The following ZBTB20 variants were observed in gnomAD, a reference collection of about 807,000 sequenced individuals.
The protein encoded by ZBTB20 is zinc finger and BTB domain-containing protein 20.
ZBTB20 carries 9 observed loss-of-function variants against 56.9 expected under a neutral mutation model. That is an observed-to-expected ratio of 0.16 (90% confidence interval 0.10 to 0.28). ZBTB20 has a LOEUF of 0.28. ZBTB20 is among the 10% of genes least tolerant of loss of function. The pLI, the probability that ZBTB20 is intolerant of heterozygous loss-of-function variation, is 1.00. For missense variants in ZBTB20, 655 were observed against 1,003.0 expected (o/e 0.65, Z 4.69); for synonymous variants, 417 against 420.7 (o/e 0.99, Z 0.11).
intron 5 of ZBTB20, among the ~76,000 whole-genome samples, chr3:114,728,033 G>A (rs750067231): frequency 1.3e-5 from 2 of 152,054 alleles, no homozygotes; most frequent in Non-Finnish European, 2.9e-5. Context: ...AAATACCACA[G>A]AAAAATAGAC....
At chr3:114,731,194 T>G (rs552095176) in intron 5 of ZBTB20, among the ~76,000 whole-genome samples, 13 of 152,302 alleles carry the variant, frequency 8.5e-5, no homozygotes, top group Non-Finnish European at 1.8e-4. Context: ...AATTTCCTGT[T>G]AATCCCGGTT....
At chr3:115,146,891 C>T (rs2085001695) in intron 1 of ZBTB20, among the ~76,000 whole-genome samples, 1 of 151,832 alleles carries the variant, frequency 6.6e-6, no homozygotes, top group South Asian at 2.1e-4. Context: ...CCCGCCCGCC[C>T]CGCCACCCTT....
At position 114,516,004 on chromosome 3, in the gene ZBTB20, ATTT is replaced by A. The variant is rs34260800; in HGVS notation, c.-294-15616_-294-15614del. Among the ~76,000 whole-genome samples, 780 of 141,228 alleles carry A rather than the reference ATTT, an allele frequency of 5.5e-3. 6 individuals are homozygous for A. Among genetic ancestry groups the A allele is most frequent in the African/African-American group, 0.018 (692 of 38,542 alleles). 92.7% of individuals were successfully genotyped at this position (141,228 alleles called of 152,430 possible). On this transcript the variant is annotated intron_variant, in intron 6 of 11. Transcript: ENST00000675478. ...CTCTAGCTGTGTTTCTAATTAAACAATTTTTTTTTTTTTTTTTGCCAAAGTCAC... is the reference window on the plus strand; with the variant it reads ...CTCTAGCTGTGTTTCTAATTAAACAATTTTTTTTTTTTTTGCCAAAGTCAC...
chr3:114,907,656 G>A (rs1304534408), intron 3 of ZBTB20, among the ~76,000 whole-genome samples: 3 of 151,792 alleles, frequency 2.0e-5, no homozygotes, highest in African/African-American at 7.3e-5. Context: ...CTAGAATCTG[G>A]TTTATTTTCT....
chr3:114,460,033 AT>A (rs1425932460), intron 7 of ZBTB20, among the ~76,000 whole-genome samples: 3 of 151,954 alleles, frequency 2.0e-5, no homozygotes, highest in African/African-American at 4.8e-5. Context: ...TGGCAGAGAT[AT>A]TTTATCTGAC....
intron 5 of ZBTB20, among the ~76,000 whole-genome samples, chr3:114,789,974 A>C (rs1345845702): frequency 6.6e-6 from 1 of 152,090 alleles, no homozygotes; most frequent in East Asian, 1.9e-4. Flanking sequence ...TATCTTATAC[A>C]CCAAAGCACG....
intron 5 of ZBTB20, among the ~76,000 whole-genome samples, chr3:114,708,799 A>C (rs574997452): frequency 6.6e-6 from 1 of 152,178 alleles, no homozygotes; most frequent in Non-Finnish European, 1.5e-5. Context: ...GTACACACAA[A>C]GTGCAAAAAG....
At chr3:114,817,192 TACACAC>T (rs56294507) in intron 4 of ZBTB20, among the ~76,000 whole-genome samples, 17,299 of 145,480 alleles carry the variant, frequency 0.12, 1,670 homozygotes, top group East Asian at 0.58. Flanking sequence ...ATACAACTTA[TACACAC>T]ACACACACAC....
intron 5 of ZBTB20, among the ~76,000 whole-genome samples, chr3:114,768,180 C>T (rs1303303818): frequency 6.6e-6 from 1 of 151,968 alleles, no homozygotes; most frequent in Non-Finnish European, 1.5e-5. Context: ...AACACACACA[C>T]ATTAAAAATA....
chr3:114,552,047 A>G (rs959709290), intron 6 of ZBTB20, among the ~76,000 whole-genome samples: 3 of 152,172 alleles, frequency 2.0e-5, no homozygotes, highest in East Asian at 3.9e-4. Flanking sequence ...CCTTCTCTAC[A>G]AAATATTATT....
intron 5 of ZBTB20, among the ~76,000 whole-genome samples, chr3:114,772,106 G>A (rs1424821925): frequency 1.3e-5 from 2 of 152,098 alleles, no homozygotes; most frequent in Non-Finnish European, 1.5e-5. Context: ...TTCGGAGGCT[G>A]AGGCAGGCAG....
At chr3:115,034,399 TA>T (rs59282828) in intron 2 of ZBTB20, among the ~76,000 whole-genome samples, 22,416 of 150,334 alleles carry the variant, frequency 0.15, 3,219 homozygotes, top group African/African-American at 0.38. Context: ...AGCAGCAGGA[TA>T]AAAAAAATCA....
intron 6 of ZBTB20, among the ~76,000 whole-genome samples, chr3:114,581,013 G>C (rs2054588505): frequency 1.3e-5 from 2 of 151,896 alleles, no homozygotes; most frequent in South Asian, 4.1e-4. Context: ...ACAAGGTAGA[G>C]AGACTTATCT....
At chr3:114,819,960 T>C (rs191799367) in intron 4 of ZBTB20, among the ~76,000 whole-genome samples, 12 of 152,026 alleles carry the variant, frequency 7.9e-5, no homozygotes, top group African/African-American at 2.9e-4. Context: ...CTATGTAAAC[T>C]AGTTATTTTG....
chr3:114,620,640 C>T (rs1427338290), intron 6 of ZBTB20, among the ~76,000 whole-genome samples: 2 of 152,184 alleles, frequency 1.3e-5, no homozygotes, highest in African/African-American at 2.4e-5. Flanking sequence ...AATGCACTGA[C>T]ATGTAGATAT....
chr3:115,096,820 T>C (rs1305338385), intron 1 of ZBTB20, among the ~76,000 whole-genome samples: 1 of 152,202 alleles, frequency 6.6e-6, no homozygotes, highest in Non-Finnish European at 1.5e-5. Context: ...ATTAGATATT[T>C]ATGTAGTGCC....
chr3:114,557,680 C>G (rs985131223), intron 6 of ZBTB20, among the ~76,000 whole-genome samples: 52 of 151,804 alleles, frequency 3.4e-4, no homozygotes, highest in African/African-American at 1.1e-3. Flanking sequence ...TAGAAGTGCC[C>G]TTTTCAAAAA....
At chr3:114,604,701 A>C (rs2057013914) in intron 6 of ZBTB20, among the ~76,000 whole-genome samples, 1 of 152,086 alleles carries the variant, frequency 6.6e-6, no homozygotes, top group Non-Finnish European at 1.5e-5. Flanking sequence ...AGTTTGGTCC[A>C]AATGGCGTCT....
chr3:114,402,479 CCTA>C (rs1229749025), intron 7 of ZBTB20, among the ~76,000 whole-genome samples: 4 of 152,116 alleles, frequency 2.6e-5, no homozygotes, highest in Non-Finnish European at 5.9e-5. Context: ...TAACAAAACT[CCTA>C]CTACTGTTCT....
Sources: gnomAD v4.1 joint callset for allele counts (sites outside exome capture counted in the v4.1 genomes callset) on GRCh38, gnomAD v4.1.1 for gene constraint, MANE v1.5 for transcripts, NCBI Gene and HGNC (gene_info 2026-07-23, HGNC 2026-07-21) for gene names.